The following LRRC4C variants were observed in gnomAD, a reference collection of about 807,000 sequenced individuals.
LRRC4C encodes leucine rich repeat containing 4C.
LRRC4C carries 5 observed loss-of-function variants against 33.6 expected under a neutral mutation model. That is an observed-to-expected ratio of 0.15 (90% CI 0.08 to 0.31). The LOEUF (loss-of-function observed/expected upper bound fraction) is 0.31, where lower values mean the gene tolerates loss of function less well. Ranked by LOEUF, LRRC4C falls within the 10% of genes least tolerant of loss-of-function variation. The pLI is 1.00. For synonymous variants in LRRC4C, 329 were observed against 302.0 expected (o/e 1.09, Z -0.93); for missense variants, 560 against 796.7 (o/e 0.70, Z 3.58).
At chr11:40,176,543 T>A (rs1860506652) in intron 5 of LRRC4C, among the ~76,000 whole-genome samples, 1 of 151,484 alleles carries the variant, frequency 6.6e-6, no homozygotes, top group Non-Finnish European at 1.5e-5. Context: ...TCCACTCTTT[T>A]TTTTTTTTTT....
At chr11:41,101,881 A>T (rs1408284047) in intron 1 of LRRC4C, among the ~76,000 whole-genome samples, 1 of 152,134 alleles carries the variant, frequency 6.6e-6, no homozygotes, top group African/African-American at 2.4e-5. Context: ...TAACACAGAA[A>T]CAGAAAAACA....
intron 1 of LRRC4C, among the ~76,000 whole-genome samples, chr11:41,226,673 C>G (rs1439564347): frequency 6.6e-6 from 1 of 150,630 alleles, no homozygotes; most frequent in African/African-American, 2.4e-5. Context: ...TACCTTTGTT[C>G]CTGTATTTTC....
At chr11:40,970,420 T>C (rs1851649086) in intron 1 of LRRC4C, among the ~76,000 whole-genome samples, 1 of 152,128 alleles carries the variant, frequency 6.6e-6, no homozygotes, top group Non-Finnish European at 1.5e-5. Flanking sequence ...TTCACCATGA[T>C]TGTAAGATTC....
chr11:40,135,198 A>G (rs1408480333), intron 6 of LRRC4C, among the ~76,000 whole-genome samples: 2 of 152,226 alleles, frequency 1.3e-5, no homozygotes, highest in East Asian at 3.8e-4. Context: ...CTTCCTAATG[A>G]CTGCAAAATA....
chr11:40,136,160 A>G (rs1856956525), intron 6 of LRRC4C, among the ~76,000 whole-genome samples: 1 of 152,164 alleles, frequency 6.6e-6, no homozygotes. Context: ...GAAGGGCAGA[A>G]CTGAGTGGTT....
chr11:41,162,340 T>C lies in LRRC4C; in HGVS notation c.-495-228617A>G, dbSNP rs2136035667. ...AATATTTTCTCTTACTTCTGCCTTA[T>C]TTCCGATGAGTTCAGAACCTTGGCA... On this transcript the variant is annotated intron_variant, in intron 1 of 6. Transcript: ENST00000528697. Among the ~76,000 whole-genome samples, 3 of 152,306 alleles carry C rather than the reference T, an allele frequency of 2.0e-5. No homozygotes were observed. In the South Asian group the frequency reaches 6.2e-4, roughly 32 times the overall value.
intron 3 of LRRC4C, among the ~76,000 whole-genome samples, chr11:40,513,020 C>A (rs889032058): frequency 6.6e-6 from 1 of 151,936 alleles, no homozygotes; most frequent in African/African-American, 2.4e-5. Context: ...GAGGCCGAGG[C>A]GGGCAGATCA....
intron 1 of LRRC4C, among the ~76,000 whole-genome samples, chr11:41,163,085 G>A (rs944929367): frequency 6.6e-6 from 1 of 151,900 alleles, no homozygotes; most frequent in African/African-American, 2.4e-5. Context: ...AGAAGTATCT[G>A]CTTTTGCATC....
rs58718030 is a variant in LRRC4C, at chr11:40,860,091, A to AAAATAAATAAATAAAT, written c.-407+73528_-407+73543dup. On this transcript the variant is annotated intron_variant, in intron 2 of 6. Transcript: ENST00000528697. ...ACAGAGCGAGACTCTGTCCCCCCAA[A>AAAATAAATAAATAAAT]AAATAAATAAATAAATAAATAAATA... Among the ~76,000 whole-genome samples, 444 of 144,224 alleles carry AAAATAAATAAATAAAT rather than the reference A, an allele frequency of 3.1e-3. 1 individual carries two copies. The highest frequency in any genetic ancestry group is 8.2e-3 in the African/African-American group (319 of 39,014). 94.6% of individuals were successfully genotyped at this position (144,224 alleles called of 152,430 possible).
intron 1 of LRRC4C, among the ~76,000 whole-genome samples, chr11:40,998,288 T>G (rs142786437): frequency 6.6e-6 from 1 of 151,872 alleles, no homozygotes; most frequent in African/African-American, 2.4e-5. Context: ...CATTCTTCCA[T>G]GTAACCACAG....
At chr11:40,426,208 T>A (rs1157462353) in intron 3 of LRRC4C, among the ~76,000 whole-genome samples, 1 of 151,684 alleles carries the variant, frequency 6.6e-6, no homozygotes, top group Non-Finnish European at 1.5e-5. Context: ...AGAGACGGGG[T>A]TTCACCATGT....
At chr11:40,301,797 T>C (rs1944785252) in intron 4 of LRRC4C, among the ~76,000 whole-genome samples, 1 of 152,218 alleles carries the variant, frequency 6.6e-6, no homozygotes, top group Non-Finnish European at 1.5e-5. Context: ...ATTTAGTCAC[T>C]CGTGATTGAA....
At chr11:41,274,354 G>T (rs933552852) in intron 1 of LRRC4C, among the ~76,000 whole-genome samples, 3 of 152,102 alleles carry the variant, frequency 2.0e-5, no homozygotes, top group Non-Finnish European at 4.4e-5. Flanking sequence ...AAGGGCCAAA[G>T]ATCATAATCA....
chr11:41,202,607 C>T (rs1184166491), intron 1 of LRRC4C, among the ~76,000 whole-genome samples: 4 of 151,970 alleles, frequency 2.6e-5, no homozygotes, highest in African/African-American at 7.3e-5. Context: ...TGCTAAATAT[C>T]CTTCTGCTTG....
At chr11:40,385,296 C>T (rs1012608792) in intron 3 of LRRC4C, among the ~76,000 whole-genome samples, 2 of 152,296 alleles carry the variant, frequency 1.3e-5, no homozygotes, top group East Asian at 1.9e-4. Context: ...AGGGGAACTG[C>T]ATTAATAAGC....
At chr11:40,753,895 T>C (rs1047821349) in intron 2 of LRRC4C, among the ~76,000 whole-genome samples, 85 of 151,936 alleles carry the variant, frequency 5.6e-4, no homozygotes, top group African/African-American at 2.0e-3. Flanking sequence ...TCATCTTACC[T>C]GAGTTAGAAT....
At chr11:40,936,320 A>G (rs1957894763) in intron 1 of LRRC4C, among the ~76,000 whole-genome samples, 1 of 149,572 alleles carries the variant, frequency 6.7e-6, no homozygotes, top group Non-Finnish European at 1.5e-5. Flanking sequence ...AATAGCAACA[A>G]TAGTATCTAA....
intron 3 of LRRC4C, among the ~76,000 whole-genome samples, chr11:40,534,718 C>T (rs551050373): frequency 2.0e-5 from 3 of 152,120 alleles, no homozygotes; most frequent in Non-Finnish European, 4.4e-5. Flanking sequence ...AATGTCCCTT[C>T]GTATATTTTA....
chr11:40,768,278 A>G lies in LRRC4C; in HGVS notation c.-406-120000T>C, dbSNP rs568379874. Among the ~76,000 whole-genome samples, 5 of 152,204 alleles carry G rather than the reference A, an allele frequency of 3.3e-5. No homozygotes were observed. In the South Asian group the frequency reaches 1.0e-3, roughly 32 times the overall value. ...CAAGAGAACCACAAAGAAATCTAGA[A>G]CCTGCATAGACCAATAACAATTAAT... is the stretch of plus-strand genomic sequence containing the variant. On this transcript the variant is annotated intron_variant, in intron 2 of 6. Coordinates refer to ENST00000528697, the MANE Select transcript of LRRC4C (RefSeq NM_001258419.2).
Sources: gnomAD v4.1 joint callset for allele counts (sites outside exome capture counted in the v4.1 genomes callset) on GRCh38, gnomAD v4.1.1 for gene constraint, MANE v1.5 for transcripts, NCBI Gene and HGNC (gene_info 2026-07-23, HGNC 2026-07-21) for gene names.